Variants in KCNQ4 observed in about 807,000 individuals in gnomAD.
KCNQ4 encodes the protein potassium voltage-gated channel subfamily Q member 4.
KCNQ4 carries 31 observed loss-of-function variants against 72.6 expected under a neutral mutation model. That is an observed-to-expected ratio of 0.43 (90% confidence interval 0.32 to 0.58). KCNQ4 has a LOEUF of 0.58. Ranked by LOEUF, KCNQ4 falls within the 20% of genes least tolerant of loss-of-function variation. KCNQ4 has a pLI of 0.08. For missense variants in KCNQ4, 869 were observed against 962.6 expected (o/e 0.90, Z 1.29); for synonymous variants, 405 against 403.7 (o/e 1.00, Z -0.04).
intron 1 of KCNQ4, among the ~76,000 whole-genome samples, chr1:40,801,472 G>A (rs1490119365): frequency 1.3e-5 from 2 of 152,180 alleles, no homozygotes; most frequent in Admixed American, 6.5e-5. Context: ...CTACTCATTC[G>A]TTCATTTATT....
In KCNQ4 at chr1:40,788,857, G is replaced by A. The variant is rs1647231006; in HGVS notation, c.314+4450G>A. Among the ~76,000 whole-genome samples the A allele has an allele frequency of 1.3e-5, 2 of 152,226 alleles. No individual in the cohort carries two copies. Among genetic ancestry groups the A allele is most frequent in the Non-Finnish European group, 2.9e-5 (2 of 68,044 alleles). ...GTCACTGCTGCGTACCTGTCTGAAT[G>A]TCTCACACATGCACTCACTGCAACA... On this transcript the variant is annotated intron_variant, in intron 1 of 13. Coordinates refer to ENST00000347132, the MANE Select transcript of KCNQ4 (RefSeq NM_004700.4). This position sits in a 1 kb window ranked among gnomAD's most constrained non-coding sequence, Gnocchi z 4.5.
intron 8 of KCNQ4, among the ~76,000 whole-genome samples, chr1:40,823,015 A>G (rs150713198): frequency 2.3e-4 from 35 of 152,342 alleles, no homozygotes; most frequent in African/African-American, 7.9e-4. Context: ...CTAGGCCCTC[A>G]GGCAGGAATG....
intron 1 of KCNQ4, among the ~76,000 whole-genome samples, chr1:40,806,283 C>T (rs970436011): frequency 6.6e-6 from 1 of 152,220 alleles, no homozygotes; most frequent in Admixed American, 6.5e-5. Flanking sequence ...AATTCCACCC[C>T]ATGTTTCCCC....
chr1:40,798,610 T>G (rs1037360673), intron 1 of KCNQ4, among the ~76,000 whole-genome samples: 1 of 152,258 alleles, frequency 6.6e-6, no homozygotes, highest in Non-Finnish European at 1.5e-5. Context: ...AGGGCTGGAC[T>G]CCAGGGGTCC....
intron 9 of KCNQ4, 137 bp from the exon 10 acceptor site, chr1:40,830,947 C>T: frequency 1.4e-6 from 1 of 728,146 alleles, no homozygotes; most frequent in Non-Finnish European, 2.4e-6. Context: ...ATCCTTGTTC[C>T]ATCCCAAGAA....
chr1:40,817,239 C>CTG lies in KCNQ4; in HGVS notation c.315-26_315-25insTG. The CTG allele has an allele frequency of 6.4e-7, 1 of 1,571,140 alleles. No individual in the cohort carries two copies. Among genetic ancestry groups the CTG allele is most frequent in the African/African-American group, 1.3e-5 (1 of 74,288 alleles). The stretch of plus-strand genomic sequence containing the variant: ...CTGTCCTGTCCCTCCAACAATCTAA[C>CTG]CCTCTCCCTCATGTTGTAATTGCAG... On this transcript the variant is annotated intron_variant, in intron 1 of 13. Coordinates refer to ENST00000347132, the MANE Select transcript of KCNQ4 (RefSeq NM_004700.4). This position sits in a 1 kb window ranked among gnomAD's most constrained non-coding sequence, Gnocchi z 5.5.
intron 12 of KCNQ4, 66 bp downstream of exon 12, chr1:40,835,164 C>G: frequency 6.3e-7 from 1 of 1,576,240 alleles, no homozygotes; most frequent in Non-Finnish European, 8.6e-7. Context: ...TGAATGAAGT[C>G]TGAGGCCAAC....
chr1:40,819,286 C>G, intron 4 of KCNQ4, 61 bp from the exon 5 acceptor site: 1 of 1,599,566 alleles, frequency 6.3e-7, no homozygotes, highest in Non-Finnish European at 8.6e-7. Flanking sequence ...CGTGTGGAAG[C>G]CCCCCACATC....
At chr1:40,812,832 A>G (rs1186511932) in intron 1 of KCNQ4, among the ~76,000 whole-genome samples, 2 of 152,078 alleles carry the variant, frequency 1.3e-5, no homozygotes, top group East Asian at 3.9e-4. Context: ...TGGTGTTTTG[A>G]TGTTTGGTTA....
Position 40,791,003 on chromosome 1 carries a change from C to T in KCNQ4, c.314+6596C>T, listed in dbSNP as rs368672776. On this transcript the variant is annotated intron_variant, in intron 1 of 13. Coordinates refer to ENST00000347132, the MANE Select transcript of KCNQ4 (RefSeq NM_004700.4). ...CAACCCTGGCAGCTGGCCTGGCCCC[C>T]GAGAGATAAAAGTAGAGCCATGGTG... Among the ~76,000 whole-genome samples, 8 of 152,140 alleles carry T rather than the reference C, an allele frequency of 5.3e-5. No homozygotes were observed. The South Asian group carries it at 1.2e-3, about 24-fold the overall frequency.
chr1:40,837,069 ATCTTTTCTTT>A (rs143786917), intron 12 of KCNQ4, among the ~76,000 whole-genome samples: 6,387 of 143,690 alleles, frequency 0.044, 211 homozygotes, highest in East Asian at 0.15. Flanking sequence ...TCCCCAATCC[ATCTTTTCTTT>A]TCTTTTCTTT....
rs998941905 is a variant in KCNQ4 at position 40,788,030 on chromosome 1, G to A, written c.314+3623G>A. Among the ~76,000 whole-genome samples the A allele has an allele frequency of 6.6e-6, 1 of 152,162 alleles. No homozygotes were observed. ...ATCCTCCCTCAGCCTTGTCCGTGGG[G>A]TCAGAAGCTGTGGGAATGGGGAGGG... is the stretch of plus-strand genomic sequence containing the variant. On this transcript the variant is annotated intron_variant, in intron 1 of 13. Transcript: ENST00000347132. The surrounding 1 kb of genome is among the most constrained non-coding windows in gnomAD (Gnocchi z 4.5).
chr1:40,802,540 G>A (rs907913082), intron 1 of KCNQ4, among the ~76,000 whole-genome samples: 15 of 151,876 alleles, frequency 9.9e-5, no homozygotes, highest in Admixed American at 3.3e-4. Flanking sequence ...CCCCCGGCAT[G>A]CCCCGCCCAT....
At chr1:40,796,410 T>C (rs1647411102) in intron 1 of KCNQ4, among the ~76,000 whole-genome samples, 1 of 152,104 alleles carries the variant, frequency 6.6e-6, no homozygotes, top group Non-Finnish European at 1.5e-5. Context: ...TCAATGACAC[T>C]ATGAGGTAGG....
At chr1:40,818,104 T>G in intron 2 of KCNQ4, 60 bp from the exon 3 acceptor site, 3 of 1,612,462 alleles carry the variant, frequency 1.9e-6, no homozygotes, top group Non-Finnish European at 2.5e-6. Context: ...GGGTCCGCGC[T>G]GTGACCTGGG....
intron 9 of KCNQ4, among the ~76,000 whole-genome samples, chr1:40,830,507 A>AAAACAC (rs1179096012): frequency 6.6e-6 from 1 of 152,146 alleles, no homozygotes; most frequent in Non-Finnish European, 1.5e-5. Flanking sequence ...AACACACGCC[A>AAAACAC]ACATATGTAC....
Position 40,784,138 on chromosome 1 carries a change from CG to C in KCNQ4, c.49del (p.Asp17ThrfsTer7), listed in dbSNP as rs1231899739. The C allele has an allele frequency of 7.0e-6, 7 of 1,001,820 alleles. No individual in the cohort carries two copies. Among genetic ancestry groups the C allele is most frequent in the South Asian group, 3.4e-5 (1 of 29,312 alleles). 62.1% of individuals were successfully genotyped at this position (1,001,820 alleles called of 1,614,324 possible). A position where few individuals can be genotyped will look rare whatever the true frequency, so the allele number is the denominator to read the frequency against. ...PRRLGLGPPPGDAPRAELVAL... is the reference protein window; with the variant it reads ...PRRLGLGPPPXDAPRAELVAL... ...GCCGCCTCGGCCTGGGTCCCCCGCCCGGGGACGCCCCCCGCGCGGAGCTAGT... is the reference window on the plus strand; with the variant it reads ...GCCGCCTCGGCCTGGGTCCCCCGCCCGGGACGCCCCCCGCGCGGAGCTAGT... On this transcript the variant is annotated frameshift_variant, in exon 1 of 14. Coordinates refer to ENST00000347132, the MANE Select transcript of KCNQ4 (RefSeq NM_004700.4). LOFTEE classifies it high-confidence loss of function. The surrounding 1 kb of genome is among the most constrained non-coding windows in gnomAD (Gnocchi z 4.1).
At chr1:40,819,079 G>A in intron 4 of KCNQ4, 1 of 540,186 alleles carries the variant, frequency 1.9e-6, no homozygotes. Context: ...GGCAAGGTAG[G>A]CCGGGTGCTG....
At chr1:40,820,803 T>C (rs1648264962) in intron 7 of KCNQ4, among the ~76,000 whole-genome samples, 1 of 152,184 alleles carries the variant, frequency 6.6e-6, no homozygotes, top group Non-Finnish European at 1.5e-5. Context: ...CAGGAGTGTG[T>C]GGTCTCAGTT....
Sources: gnomAD v4.1 joint callset for allele counts (sites outside exome capture counted in the v4.1 genomes callset) on GRCh38, gnomAD v4.1.1 for gene constraint, Gnocchi (gnomAD v3.1) non-coding constraint, MANE v1.5 for transcripts, NCBI Gene and HGNC (gene_info 2026-07-23, HGNC 2026-07-21) for gene names.